PALLD: variants seen among roughly 807,000 people sequenced by gnomAD.
PALLD encodes palladin.
PALLD carries 61 observed loss-of-function variants against 123.5 expected under a neutral mutation model. The observed-to-expected ratio is 0.49, with a 90% CI of 0.40 to 0.61. PALLD has a LOEUF of 0.61. Ranked by LOEUF, PALLD falls within the 20% of genes least tolerant of loss-of-function variation. The pLI is 0.00. For missense variants in PALLD, 1,273 were observed against 1,377.0 expected (o/e 0.92, Z 1.20); for synonymous variants, 465 against 496.4 (o/e 0.94, Z 0.84).
intron 18 of PALLD, among the ~76,000 whole-genome samples, chr4:168,922,613 C>A (rs1761804203): frequency 1.3e-5 from 2 of 152,142 alleles, no homozygotes; most frequent in Non-Finnish European, 2.9e-5. Context: ...GAAGTCTTGA[C>A]AAAACTCTTG....
chr4:168,543,958 G>T (rs139778049), intron 2 of PALLD, among the ~76,000 whole-genome samples: 1 of 152,206 alleles, frequency 6.6e-6, no homozygotes, highest in Non-Finnish European at 1.5e-5. Flanking sequence ...ATGTACTCAC[G>T]TATATGCATA....
chr4:168,653,653 C>G (rs2149930306), intron 2 of PALLD, among the ~76,000 whole-genome samples: 1 of 152,322 alleles, frequency 6.6e-6, no homozygotes, highest in East Asian at 1.9e-4. Context: ...GTATGCTGTT[C>G]TTTTCCTTCA....
chr4:168,788,459 A>G (rs957918517), intron 10 of PALLD, among the ~76,000 whole-genome samples: 2 of 152,218 alleles, frequency 1.3e-5, no homozygotes, highest in African/African-American at 4.8e-5. Context: ...AGTGGTTGCC[A>G]GGAGTTGAGG....
At chr4:168,530,236 C>T (rs1329795631) in intron 2 of PALLD, among the ~76,000 whole-genome samples, 1 of 152,162 alleles carries the variant, frequency 6.6e-6, no homozygotes, top group African/African-American at 2.4e-5. Flanking sequence ...ACAATCTCAA[C>T]CTTCTCATTA....
intron 2 of PALLD, among the ~76,000 whole-genome samples, chr4:168,603,154 T>C (rs1772841789): frequency 6.6e-6 from 1 of 152,170 alleles, no homozygotes; most frequent in Non-Finnish European, 1.5e-5. Context: ...CATATTTATC[T>C]CTAATTTAAG....
In PALLD at chr4:168,884,309, G is replaced by A. The variant is rs187342142; in HGVS notation, c.1965-6613G>A. 4.6e-3 allele frequency among the ~76,000 whole-genome samples: 701 copies of A among 152,306 alleles called. 7 individuals carry two copies. Among genetic ancestry groups the A allele is most frequent in the Admixed American group, 5.5e-3 (84 of 15,298 alleles). ...GAAAAAGAGAAGAGGTTCCATATTA[G>A]AATAAGTGTGAGAAAACTGTATTCC... On this transcript the variant is annotated intron_variant, in intron 10 of 21. Coordinates refer to ENST00000505667, the MANE Select transcript of PALLD (RefSeq NM_001166108.2).
chr4:168,922,447 T>C (rs1296279445), intron 18 of PALLD, among the ~76,000 whole-genome samples: 1 of 152,230 alleles, frequency 6.6e-6, no homozygotes, highest in Middle Eastern at 3.2e-3. Flanking sequence ...CACATGAGCC[T>C]TATGAGATAA....
intron 2 of PALLD, among the ~76,000 whole-genome samples, chr4:168,647,067 A>C (rs1175424953): frequency 6.6e-6 from 1 of 152,216 alleles, no homozygotes; most frequent in Non-Finnish European, 1.5e-5. Flanking sequence ...CAGAAATAAA[A>C]ATTCCACCAC....
intron 21 of PALLD, 76 bp downstream of exon 21, chr4:168,925,354 T>C: frequency 8.9e-7 from 1 of 1,119,342 alleles, no homozygotes; most frequent in South Asian, 1.2e-5. Context: ...TAGTTGTGGC[T>C]TCCTTACTCA....
At position 168,522,528 on chromosome 4, in the gene PALLD, T is replaced by G. The variant is rs75763886; in HGVS notation, c.908+10116T>G. Among the ~76,000 whole-genome samples, 869 of 152,350 alleles carry G rather than the reference T, an allele frequency of 5.7e-3. 16 individuals carry two copies. The highest frequency in any genetic ancestry group is 0.02 in the African/African-American group (818 of 41,584). Reference sequence around the variant, plus strand: ...AGTCTATTTTAAGTACTTTTCAACATGTTTCTTCATTTGCCTTGGGGCCAT... The same window carrying G: ...AGTCTATTTTAAGTACTTTTCAACAGGTTTCTTCATTTGCCTTGGGGCCAT... On this transcript the variant is annotated intron_variant, in intron 2 of 21. Transcript: ENST00000505667.
chr4:168,921,826 A>G (rs2126500662), intron 18 of PALLD, 85 bp downstream of exon 18: 1 of 1,016,458 alleles, frequency 9.8e-7, no homozygotes, highest in South Asian at 1.3e-5. Context: ...ACTAACCAAT[A>G]CGGAAAATAA....
chr4:168,511,880 C>T lies in PALLD; in HGVS notation c.376C>T (p.Pro126Ser), dbSNP rs1306820870. Residue 126 changes from proline to serine, a missense_variant, in exon 2 of 22, where the codon CCC becomes TCC. This residue lies in a region of PALLD where 944 missense variants were observed against 954.5 expected (regional missense o/e 0.99). Transcript: ENST00000505667. ...PVSKRKPAMSPLLTRPSYIRS... is the reference protein window; with the variant it reads ...PVSKRKPAMSSLLTRPSYIRS... ...TTCAAAGAGGAAACCTGCCATGTCA[C>T]CCCTGCTCACCAGGCCCAGCTACAT... The T allele has an allele frequency of 6.2e-7, 1 of 1,614,160 alleles. No individual in the cohort carries two copies. The highest frequency in any genetic ancestry group is 2.2e-5 in the East Asian group (1 of 44,874).
At position 168,868,381 on chromosome 4, in the gene PALLD, C is replaced by T. The variant is rs150253367; in HGVS notation, c.1965-22541C>T. Among the ~76,000 whole-genome samples, 257 of 152,296 alleles carry T rather than the reference C, an allele frequency of 1.7e-3. 1 individual carries two copies. The highest frequency in any genetic ancestry group is 5.8e-3 in the African/African-American group (240 of 41,570). On this transcript the variant is annotated intron_variant, in intron 10 of 21. Coordinates refer to ENST00000505667, the MANE Select transcript of PALLD (RefSeq NM_001166108.2). Reference sequence around the variant, plus strand: ...AATGGTAGAGAATAAAAACAGATGTCTGCCACACTTGGAGTTTCAGGAAAT... The same window carrying T: ...AATGGTAGAGAATAAAAACAGATGTTTGCCACACTTGGAGTTTCAGGAAAT...
At chr4:168,585,388 A>T (rs565542616) in intron 2 of PALLD, among the ~76,000 whole-genome samples, 1 of 152,106 alleles carries the variant, frequency 6.6e-6, no homozygotes, top group Admixed American at 6.5e-5. Context: ...TTCATAGATG[A>T]GGTGTAACTA....
chr4:168,617,809 A>G (rs1308083639), intron 2 of PALLD, among the ~76,000 whole-genome samples: 3 of 152,230 alleles, frequency 2.0e-5, no homozygotes, highest in African/African-American at 7.2e-5. Flanking sequence ...AATGGCAAAT[A>G]TTATGATGGT....
chr4:168,748,266 A>C (rs11933995), intron 10 of PALLD, among the ~76,000 whole-genome samples: 1 of 152,134 alleles, frequency 6.6e-6, no homozygotes, highest in Non-Finnish European at 1.5e-5. Flanking sequence ...GGAAAATGCA[A>C]ATTTTCAGTC....
At position 168,669,183 on chromosome 4, in the gene PALLD, G is replaced by A. The variant is rs558613485; in HGVS notation, c.1087+815G>A. Among the ~76,000 whole-genome samples the A allele has an allele frequency of 1.1e-4, 16 of 152,236 alleles. No individual in the cohort carries two copies. In the East Asian group the frequency reaches 2.7e-3, roughly 26 times the overall value. On this transcript the variant is annotated intron_variant, in intron 3 of 21. Transcript: ENST00000505667. ...CTGTACTTTTTTAAACTATTTAATA[G>A]CACCAATATCTCCATTATGTGGAGG...
chr4:168,861,473 T>C (rs1749460190), intron 10 of PALLD, among the ~76,000 whole-genome samples: 1 of 152,068 alleles, frequency 6.6e-6, no homozygotes, highest in African/African-American at 2.4e-5. Context: ...TTTATATCTT[T>C]TGCATTTTGA....
chr4:168,799,765 A>G (rs958409738), intron 10 of PALLD, among the ~76,000 whole-genome samples: 34 of 152,274 alleles, frequency 2.2e-4, no homozygotes, highest in African/African-American at 7.5e-4. Context: ...CTGTTAAGCT[A>G]CTATGGAAAT....
Sources: allele counts gnomAD v4.1 joint callset (sites outside exome capture counted in the v4.1 genomes callset), GRCh38; gene constraint gnomAD v4.1.1; regional missense constraint gnomAD v4.1.1; transcripts MANE v1.5; gene names NCBI Gene and HGNC (gene_info 2026-07-23, HGNC 2026-07-21).